The following ABCB1 variants were observed in gnomAD, a reference collection of about 807,000 sequenced individuals.
The protein encoded by ABCB1 is ATP binding cassette subfamily B member 1.
Under a neutral mutation model 142.0 loss-of-function variants are expected in ABCB1, and 69 were observed. The observed-to-expected ratio is 0.49, with a 90% CI of 0.40 to 0.59. ABCB1 has a LOEUF of 0.59. Among genes scored for constraint, ABCB1 ranks in the 20% least tolerant of loss-of-function variants. ABCB1 has a pLI of 0.00. For synonymous variants in ABCB1, 532 were observed against 539.2 expected (o/e 0.99, Z 0.18); for missense variants, 1,326 against 1,554.7 (o/e 0.85, Z 2.47).
At chr7:87,675,726 C>A (rs562746365) in intron 1 of ABCB1, among the ~76,000 whole-genome samples, 4 of 148,464 alleles carry the variant, frequency 2.7e-5, no homozygotes, top group Non-Finnish European at 4.5e-5. Context: ...AGAAATCGGA[C>A]CTTTCTCTTA....
intron 1 of ABCB1, among the ~76,000 whole-genome samples, chr7:87,615,078 C>T (rs1280599224): frequency 6.6e-6 from 1 of 152,106 alleles, no homozygotes; most frequent in Non-Finnish European, 1.5e-5. Flanking sequence ...ATCTCCTGAC[C>T]CGCCCGCCTC....
intron 9 of ABCB1, among the ~76,000 whole-genome samples, chr7:87,552,660 C>G (rs2129725438): frequency 6.9e-6 from 1 of 145,054 alleles, no homozygotes; most frequent in South Asian, 2.2e-4. Flanking sequence ...AAAAAAAAAA[C>G]TTCATGGGAA....
intron 8 of ABCB1, 139 bp from the exon 9 acceptor site, chr7:87,554,071 A>G (rs1384877565): frequency 8.0e-6 from 6 of 750,412 alleles, no homozygotes; most frequent in Admixed American, 2.1e-5. Context: ...CATTGACCCT[A>G]TATAGTAGTA....
intron 1 of ABCB1, chr7:87,628,932 A>C: frequency 7.6e-7 from 1 of 1,310,206 alleles, no homozygotes; most frequent in Non-Finnish European, 9.8e-7. Flanking sequence ...GAGGAACCTG[A>C]TCACCGTGTG....
At chr7:87,559,215 T>C (rs1817443929) in intron 8 of ABCB1, among the ~76,000 whole-genome samples, 2 of 152,206 alleles carry the variant, frequency 1.3e-5, no homozygotes, top group East Asian at 1.9e-4. Flanking sequence ...TGATTTCTGC[T>C]TGTGGGAGAG....
At chr7:87,658,653 A>G (rs1448929179) in intron 1 of ABCB1, among the ~76,000 whole-genome samples, 2 of 152,202 alleles carry the variant, frequency 1.3e-5, no homozygotes, top group Non-Finnish European at 2.9e-5. Context: ...CAACTTGCCT[A>G]CAAGTAAGCA....
intron 4 of ABCB1, among the ~76,000 whole-genome samples, chr7:87,578,134 A>G (rs747938982): frequency 2.6e-5 from 4 of 152,184 alleles, no homozygotes; most frequent in Non-Finnish European, 5.9e-5. Flanking sequence ...ATTTTTATGC[A>G]TATGGATATC....
In ABCB1 at chr7:87,536,420, C is replaced by G. The variant is rs1348828669; in HGVS notation, c.2481+38G>C. ...AGTTTCATGCTGGGGTCCAAAATGG[C>G]CAATTAAGACAAACACCAGTAGAAA... is the stretch of plus-strand genomic sequence containing the variant. On this transcript the variant is annotated intron_variant, in intron 20 of 27. Transcript: ENST00000622132. 1.9e-6 allele frequency: 3 copies of G among 1,604,626 alleles called. No individual in the cohort carries two copies. The South Asian group carries it at 3.3e-5, about 18-fold the overall frequency.
intron 1 of ABCB1, among the ~76,000 whole-genome samples, chr7:87,613,011 GTTT>G (rs71117545): frequency 3.7e-5 from 5 of 134,804 alleles, no homozygotes; most frequent in Non-Finnish European, 6.3e-5. Context: ...GTTTTGGTGG[GTTT>G]TTTTTTTTTT....
Position 87,510,643 on chromosome 7 carries a change from T to C in ABCB1, c.3283-1162A>G, listed in dbSNP as rs28401804. 2.6e-3 allele frequency among the ~76,000 whole-genome samples: 395 copies of C among 152,358 alleles called. 3 individuals are homozygous for C. Among genetic ancestry groups the C allele is most frequent in the Admixed American group, 5.7e-3 (88 of 15,308 alleles). ...TGAGCCATATACTCTCTGTATCCCA[T>C]GTGCCTGGCTGGGTGGCTCAAGGGG... On this transcript the variant is annotated intron_variant, in intron 25 of 27. Coordinates refer to ENST00000622132, the MANE Select transcript of ABCB1 (RefSeq NM_001348946.2).
chr7:87,706,675 G>C (rs1309629186), intron 1 of ABCB1, among the ~76,000 whole-genome samples: 1 of 152,158 alleles, frequency 6.6e-6, no homozygotes, highest in Non-Finnish European at 1.5e-5. Context: ...TCACATCCTA[G>C]GTATAGAGAC....
chr7:87,508,698 G>T (rs1471288904), intron 26 of ABCB1, among the ~76,000 whole-genome samples: 2 of 152,114 alleles, frequency 1.3e-5, no homozygotes, highest in Non-Finnish European at 2.9e-5. Context: ...CACTTTAATG[G>T]TTCAACCCTT....
chr7:87,523,867 TC>T (rs1815655964), intron 21 of ABCB1, among the ~76,000 whole-genome samples: 2 of 152,172 alleles, frequency 1.3e-5, no homozygotes, highest in Admixed American at 1.3e-4. Context: ...GTCTCTAAAG[TC>T]CCTTTTAATG....
At chr7:87,553,693 A>G in intron 9 of ABCB1, 68 bp downstream of exon 9, 5 of 1,501,946 alleles carry the variant, frequency 3.3e-6, no homozygotes, top group African/African-American at 1.4e-5. Context: ...TTCTAAAGTC[A>G]AGCCAACATT....
intron 1 of ABCB1, among the ~76,000 whole-genome samples, chr7:87,661,536 C>T (rs763913087): frequency 6.6e-6 from 1 of 151,778 alleles, no homozygotes; most frequent in Non-Finnish European, 1.5e-5. Context: ...CTTTCTGTGT[C>T]TGTCTTTTGT....
At chr7:87,649,006 T>C (rs1823304722) in intron 1 of ABCB1, among the ~76,000 whole-genome samples, 2 of 152,140 alleles carry the variant, frequency 1.3e-5, no homozygotes, top group Admixed American at 1.3e-4. Flanking sequence ...CTATCAAGAG[T>C]AAAACCTTAA....
chr7:87,531,819 T>C, intron 20 of ABCB1: 1 of 294,744 alleles, frequency 3.4e-6, no homozygotes, highest in Non-Finnish European at 6.5e-6. Flanking sequence ...TAAAGGAGTC[T>C]GACAAACTAG....
At chr7:87,655,865 TG>T (rs1385835067) in intron 1 of ABCB1, among the ~76,000 whole-genome samples, 1 of 151,972 alleles carries the variant, frequency 6.6e-6, no homozygotes, top group Admixed American at 6.6e-5. Flanking sequence ...CCCTCATGAG[TG>T]GATTAATACC....
At chr7:87,640,178 T>TTA (rs948887238) in intron 1 of ABCB1, among the ~76,000 whole-genome samples, 16 of 148,676 alleles carry the variant, frequency 1.1e-4, no homozygotes, top group African/African-American at 1.7e-4. Context: ...TAAAACATAC[T>TTA]TATATATATA....
Sources: gnomAD v4.1 joint callset for allele counts (sites outside exome capture counted in the v4.1 genomes callset) on GRCh38, gnomAD v4.1.1 for gene constraint, MANE v1.5 for transcripts, NCBI Gene and HGNC (gene_info 2026-07-23, HGNC 2026-07-21) for gene names.